The following RALGPS1 variants were observed in gnomAD, a reference collection of about 807,000 sequenced individuals.
RALGPS1 encodes the protein Ral GEF with PH domain and SH3 binding motif 1.
RALGPS1 carries 19 observed loss-of-function variants against 78.8 expected under a neutral mutation model. The ratio of observed to expected loss-of-function variants is 0.24; its 90% confidence interval spans 0.17 to 0.35. RALGPS1 has a LOEUF of 0.35. Ranked by LOEUF, RALGPS1 falls within the 10% of genes least tolerant of loss-of-function variation. The probability of loss-of-function intolerance (pLI) is 1.00; values close to 1 mark genes in which losing one functional copy is unlikely to be tolerated. For missense variants in RALGPS1, 454 were observed against 688.3 expected (o/e 0.66, Z 3.81); for synonymous variants, 228 against 256.3 (o/e 0.89, Z 1.06).
chr9:126,958,283 C>T (rs1372506006), intron 1 of RALGPS1, among the ~76,000 whole-genome samples: 1 of 151,438 alleles, frequency 6.6e-6, no homozygotes, highest in Non-Finnish European at 1.5e-5. Flanking sequence ...TCTTTTATTG[C>T]AGTATAATTT....
chr9:127,203,912 G>A (rs1004513788), intron 14 of RALGPS1, among the ~76,000 whole-genome samples: 1 of 152,220 alleles, frequency 6.6e-6, no homozygotes, highest in African/African-American at 2.4e-5. Flanking sequence ...ATGGCCCAGG[G>A]CTTGGTGTCT....
chr9:126,920,162 T>C (rs2034608066), intron 1 of RALGPS1, among the ~76,000 whole-genome samples: 1 of 152,188 alleles, frequency 6.6e-6, no homozygotes, highest in African/African-American at 2.4e-5. Flanking sequence ...GGGTAGGCTC[T>C]TGTTGAATAG....
intron 1 of RALGPS1, among the ~76,000 whole-genome samples, chr9:126,928,437 G>A (rs989508114): frequency 1.3e-4 from 20 of 152,160 alleles, no homozygotes; most frequent in African/African-American, 4.8e-4. Flanking sequence ...GAAGGGAACA[G>A]ATAGAAAGTA....
chr9:127,210,082 G>A (rs918606753), intron 14 of RALGPS1, among the ~76,000 whole-genome samples: 1 of 152,232 alleles, frequency 6.6e-6, no homozygotes, highest in Non-Finnish European at 1.5e-5. Flanking sequence ...CGTTGCCCTG[G>A]AAAGGCTCAC....
chr9:126,994,078 A>G (rs2042514272), intron 4 of RALGPS1, among the ~76,000 whole-genome samples: 1 of 152,136 alleles, frequency 6.6e-6, no homozygotes, highest in Non-Finnish European at 1.5e-5. Context: ...AAAGATGGGA[A>G]AAAAAACAGA....
At chr9:127,159,681 G>A (rs768745704) in intron 8 of RALGPS1, among the ~76,000 whole-genome samples, 8 of 152,152 alleles carry the variant, frequency 5.3e-5, no homozygotes, top group East Asian at 1.9e-4. Context: ...AGCCTGGGCC[G>A]CCTGCTGAGA....
At chr9:126,999,171 A>G (rs1302540952) in intron 4 of RALGPS1, among the ~76,000 whole-genome samples, 1 of 151,940 alleles carries the variant, frequency 6.6e-6, no homozygotes, top group African/African-American at 2.4e-5. Flanking sequence ...GTATAATAAT[A>G]ATAATAATAA....
chr9:126,926,142 A>T (rs2035259575), intron 1 of RALGPS1, among the ~76,000 whole-genome samples: 1 of 152,172 alleles, frequency 6.6e-6, no homozygotes, highest in Admixed American at 6.5e-5. Context: ...CCTTATTTTT[A>T]TTGCTTTAGA....
chr9:126,962,045 C>A (rs1255745085), intron 1 of RALGPS1, among the ~76,000 whole-genome samples, 180 bp from the exon 2 acceptor site: 1 of 152,070 alleles, frequency 6.6e-6, no homozygotes, highest in Non-Finnish European at 1.5e-5. Context: ...ATATTAATAC[C>A]CTGTACAAGC....
rs928648780 is a variant in RALGPS1, at chr9:127,210,334, G to A, written c.1248-1797G>A. 2.6e-5 allele frequency among the ~76,000 whole-genome samples: 4 copies of A among 152,248 alleles called. No individual in the cohort carries two copies. The East Asian group carries it at 5.8e-4, about 22-fold the overall frequency. Reference sequence around the variant, plus strand: ...TGTGCACTTTTCACGTGGACTTGCCGTGGACTATCTGGGCTGTACAGTGTT... The same window carrying A: ...TGTGCACTTTTCACGTGGACTTGCCATGGACTATCTGGGCTGTACAGTGTT... On this transcript the variant is annotated intron_variant, in intron 14 of 18. Transcript: ENST00000259351.
chr9:127,206,596 A>G (rs2061944544), intron 14 of RALGPS1, among the ~76,000 whole-genome samples: 1 of 152,072 alleles, frequency 6.6e-6, no homozygotes, highest in East Asian at 1.9e-4. Flanking sequence ...CGTGGAGATT[A>G]TGGGAACTAC....
intron 11 of RALGPS1, among the ~76,000 whole-genome samples, chr9:127,186,952 C>G (rs969633201): frequency 5.9e-5 from 9 of 152,054 alleles, no homozygotes; most frequent in African/African-American, 1.9e-4. Flanking sequence ...GCATGGGAAT[C>G]GGAGCTAGAG....
At chr9:127,174,273 GAGAGAAAGAAAGAAAGAGAAAGAA>G (rs1237130778) in intron 10 of RALGPS1, among the ~76,000 whole-genome samples, 12 of 141,798 alleles carry the variant, frequency 8.5e-5, no homozygotes, top group African/African-American at 2.9e-4. Context: ...AAAAGAGAGA[GAGAGAAAGAAAGAAAGAGAAAGAA>G]AGAGAAAGAA....
At position 127,212,689 on chromosome 9, in the gene RALGPS1, C is replaced by T; in HGVS notation, c.1416C>T (p.Ala472=). 7 of 1,613,532 alleles carry T rather than the reference C, an allele frequency of 4.3e-6. No individual in the cohort carries two copies. Among genetic ancestry groups the T allele is most frequent in the Non-Finnish European group, 5.9e-6 (7 of 1,179,530 alleles). The change falls in exon 16 of 19, where the codon GCC becomes GCT. Residue 472 remains alanine, a synonymous_variant. Coordinates refer to ENST00000259351, the MANE Select transcript of RALGPS1 (RefSeq NM_014636.3). This position sits in a 1 kb window ranked among gnomAD's most constrained non-coding sequence, Gnocchi z 6.0. ...GATCCACCCTCCTGTACTACGGAGCCAAGTCCTTGCGGGGCACAGACAGAA... is the reference window on the plus strand; with the variant it reads ...GATCCACCCTCCTGTACTACGGAGCTAAGTCCTTGCGGGGCACAGACAGAA... The part of the protein sequence containing the change: ...LSGSTLLYYG[A]KSLRGTDRKH...
At chr9:127,089,548 C>T (rs1234256453) in intron 8 of RALGPS1, among the ~76,000 whole-genome samples, 2 of 151,984 alleles carry the variant, frequency 1.3e-5, no homozygotes, top group East Asian at 1.9e-4. Flanking sequence ...CTGAGGTGGG[C>T]GGGGAGGGAG....
In RALGPS1 at chr9:127,000,534, CTTTTTTTTTTTTTTTT is replaced by C. The variant is rs1163116649; in HGVS notation, c.216+22805_216+22820del. On this transcript the variant is annotated intron_variant, in intron 4 of 18. Transcript: ENST00000259351. Reference sequence around the variant, plus strand: ...TCCTGCTATTGATTTCTTGTCTTGTCTTTTTTTTTTTTTTTTTTTTTTTTTTTTTTTGAGATGGAGT... The same window carrying C: ...TCCTGCTATTGATTTCTTGTCTTGTCTTTTTTTTTTTTTTTGAGATGGAGT... Among the ~76,000 whole-genome samples, 17 of 33,310 alleles carry C rather than the reference CTTTTTTTTTTTTTTTT, an allele frequency of 5.1e-4. 1 individual carries two copies. The highest frequency in any genetic ancestry group is 8.5e-4 in the Admixed American group (2 of 2,360). The allele number at this position is 33,310 out of a possible 152,430, so 21.9% of individuals were successfully genotyped here. A position where few individuals can be genotyped will look rare whatever the true frequency, so the allele number is the denominator to read the frequency against.
chr9:127,032,314 A>G (rs2046496896), intron 4 of RALGPS1, among the ~76,000 whole-genome samples: 2 of 152,198 alleles, frequency 1.3e-5, no homozygotes, highest in Admixed American at 6.5e-5. Flanking sequence ...TGAAGTTATT[A>G]CGGTGTGGAA....
intron 1 of RALGPS1, among the ~76,000 whole-genome samples, chr9:126,935,343 C>T (rs1328436): frequency 0.37 from 56,963 of 152,098 alleles, 12,572 homozygotes; most frequent in Non-Finnish European, 0.48. Flanking sequence ...TCCCAGCATC[C>T]GTCCCCTTTG....
chr9:126,945,668 A>T (rs1198651958), intron 1 of RALGPS1, among the ~76,000 whole-genome samples: 1 of 152,084 alleles, frequency 6.6e-6, no homozygotes, highest in African/African-American at 2.4e-5. Flanking sequence ...ATCAGGTCCC[A>T]TTGTGCATCG....
Sources: allele counts gnomAD v4.1 joint callset (sites outside exome capture counted in the v4.1 genomes callset), GRCh38; gene constraint gnomAD v4.1.1; non-coding constraint Gnocchi (gnomAD v3.1); transcripts MANE v1.5; gene names NCBI Gene and HGNC (gene_info 2026-07-23, HGNC 2026-07-21).